Variants in MYCBP2 observed in about 807,000 individuals in gnomAD.
MYCBP2 encodes the protein MYC binding protein 2, also known as E3 ubiquitin-protein ligase MYCBP2.
A neutral mutation model predicts 525.3 loss-of-function variants in MYCBP2; 120 were observed. The observed-to-expected ratio is 0.23, with a 90% confidence interval of 0.20 to 0.27. The LOEUF (loss-of-function observed/expected upper bound fraction) is 0.27, where lower values mean the gene tolerates loss of function less well. Ranked by LOEUF, MYCBP2 falls within the 10% of genes least tolerant of loss-of-function variation. MYCBP2 has a pLI of 1.00. For synonymous variants in MYCBP2, 1,894 were observed against 1,955.8 expected (o/e 0.97, Z 0.83); for missense variants, 4,149 against 5,657.1 (o/e 0.73, Z 8.55).
At position 77,205,339 on chromosome 13, in the gene MYCBP2, T is replaced by C. The variant is rs573877665; in HGVS notation, c.3760A>G (p.Ile1254Val). 2.6e-4 allele frequency: 421 copies of C among 1,613,878 alleles called. 6 individuals are homozygous for C. In the South Asian group the frequency reaches 4.3e-3, roughly 17 times the overall value. Residue 1254 changes from isoleucine (I) to valine (V), a missense_variant, in exon 26 of 83, where the codon ATA (isoleucine) becomes GTA (valine). Coordinates refer to ENST00000544440, the MANE Select transcript of MYCBP2 (RefSeq NM_015057.5). ...ATATCAGTGTCGGCACTGAAACGTA[T>C]AGCTTCTACTGAATGGGCAGAATAA... The part of the protein sequence containing the change: ...WGYSAHSVEA[I>V]RFSADTDILL...
intron 7 of MYCBP2, among the ~76,000 whole-genome samples, chr13:77,268,437 A>T (rs561290012): frequency 1.6e-3 from 238 of 152,340 alleles, no homozygotes; most frequent in African/African-American, 5.4e-3. Flanking sequence ...ATTTTAAACT[A>T]AGTTCAATTT....
chr13:77,238,242 C>CAAAAAAAAAAAAA (rs772175406), intron 17 of MYCBP2, among the ~76,000 whole-genome samples: 1 of 28,310 alleles, frequency 3.5e-5, no homozygotes, highest in Non-Finnish European at 8.7e-5. Flanking sequence ...GACTCCGTCT[C>CAAAAAAAAAAAAA]AAAAAAAAAA....
intron 53 of MYCBP2, 74 bp downstream of exon 53, chr13:77,126,244 T>C (rs939428906): frequency 5.3e-6 from 7 of 1,326,256 alleles, no homozygotes; most frequent in Middle Eastern, 2.2e-4. Flanking sequence ...ATGGCAACCT[T>C]TAGAAGAGAT....
intron 14 of MYCBP2, among the ~76,000 whole-genome samples, chr13:77,252,052 C>T (rs2071301240): frequency 6.6e-6 from 1 of 152,172 alleles, no homozygotes; most frequent in Admixed American, 6.6e-5. Context: ...GCACTTGCTA[C>T]CTTTTCCAGG....
At chr13:77,070,187 A>G (rs1182277769) in intron 69 of MYCBP2, among the ~76,000 whole-genome samples, 1 of 152,190 alleles carries the variant, frequency 6.6e-6, no homozygotes, top group Non-Finnish European at 1.5e-5. Context: ...AAATCTTTAA[A>G]ATGATGAAGG....
chr13:77,066,143 A>C, intron 71 of MYCBP2, 55 bp from the exon 72 acceptor site: 1 of 1,142,910 alleles, frequency 8.7e-7, no homozygotes, highest in Non-Finnish European at 1.3e-6. Flanking sequence ...GTAGTAACAA[A>C]TGAAAAAGAT....
chr13:77,071,310 A>ACACACACACAC (rs1417944112), intron 68 of MYCBP2, among the ~76,000 whole-genome samples: 3 of 85,792 alleles, frequency 3.5e-5, no homozygotes, highest in African/African-American at 1.0e-4. Context: ...CACACACACA[A>ACACACACACAC]ATCTTATCTA....
chr13:77,051,640 C>T (rs1375388307), intron 81 of MYCBP2, among the ~76,000 whole-genome samples, 171 bp downstream of exon 81: 2 of 151,800 alleles, frequency 1.3e-5, no homozygotes, highest in African/African-American at 4.8e-5. Flanking sequence ...AAAAATATCG[C>T]CCAAAGGAAA....
At chr13:77,184,149 C>T (rs940854878) in intron 32 of MYCBP2, among the ~76,000 whole-genome samples, 4 of 152,110 alleles carry the variant, frequency 2.6e-5, no homozygotes, top group African/African-American at 9.7e-5. Flanking sequence ...CTCTTTTAAG[C>T]AATGCTTTAG....
In MYCBP2 at chr13:77,090,250, G is replaced by T; in HGVS notation, c.10381C>A (p.Pro3461Thr). Residue 3461 changes from proline to threonine, a missense_variant, in exon 60 of 83, where the codon CCC becomes ACC. This residue lies in a region of MYCBP2 where 509 missense variants were observed against 789.4 expected (regional missense o/e 0.64). Transcript: ENST00000544440. ...KSMPPSLETS[P>T]ITDTDLAKRT... is the part of the protein sequence containing the mutation. Reference sequence around the variant, plus strand: ...TTTGCAAGATCAGTATCAGTTATGGGACTGGTTTCTAAACTGTACATGGAA... The same window carrying T: ...TTTGCAAGATCAGTATCAGTTATGGTACTGGTTTCTAAACTGTACATGGAA... The T allele has an allele frequency of 6.2e-7, 1 of 1,611,026 alleles. No homozygotes were observed. Among genetic ancestry groups the T allele is most frequent in the Non-Finnish European group, 8.5e-7 (1 of 1,178,414 alleles).
intron 78 of MYCBP2, among the ~76,000 whole-genome samples, chr13:77,057,737 C>G (rs996882870): frequency 2.0e-5 from 3 of 150,598 alleles, no homozygotes; most frequent in Non-Finnish European, 2.9e-5. Flanking sequence ...GAAAGCACAG[C>G]ATAAAGAGGC....
At position 77,119,476 on chromosome 13, in the gene MYCBP2, A is replaced by C. The variant is rs542438844; in HGVS notation, c.8140+1897T>G. On this transcript the variant is annotated intron_variant, in intron 55 of 82. Coordinates refer to ENST00000544440, the MANE Select transcript of MYCBP2 (RefSeq NM_015057.5). ...CCATATATCTTTTTTTGAAATAATA[A>C]ATAAATGCTGTAGATTATAGGAAAA... Among the ~76,000 whole-genome samples the C allele has an allele frequency of 2.0e-5, 3 of 152,312 alleles. No individual in the cohort carries two copies. In the South Asian group the frequency reaches 6.2e-4, roughly 32 times the overall value.
In MYCBP2 at chr13:77,068,637, C is replaced by T. The variant is rs2040597774; in HGVS notation, c.12099G>A (p.Leu4033=). ...LSGSNVGRQY[L]AQQLTLLQDL... is the part of the protein sequence containing the mutation. ...CCTGAAGCAGGGTTAGCTGTTGAGC[C>T]AGATATTGCCGGCCAACGTTAGAGC... The change falls in exon 70 of 83, where the codon CTG becomes CTA. Residue 4033 remains leucine (L), a synonymous_variant. Coordinates refer to ENST00000544440, the MANE Select transcript of MYCBP2 (RefSeq NM_015057.5). 1.2e-6 allele frequency: 2 copies of T among 1,614,044 alleles called. No individual in the cohort carries two copies.
intron 36 of MYCBP2, among the ~76,000 whole-genome samples, chr13:77,175,955 T>TA (rs1411966240): frequency 1.6e-4 from 23 of 140,336 alleles, no homozygotes; most frequent in South Asian, 4.5e-4. Flanking sequence ...AGACTCCATC[T>TA]AAAAAAAAAT....
At chr13:77,295,706 T>C (rs2078116644) in intron 2 of MYCBP2, among the ~76,000 whole-genome samples, 2 of 152,198 alleles carry the variant, frequency 1.3e-5, no homozygotes, top group African/African-American at 2.4e-5. Flanking sequence ...AGATGTTCAA[T>C]AGAAAAGAGA....
intron 1 of MYCBP2, among the ~76,000 whole-genome samples, chr13:77,307,831 C>G (rs1049941475): frequency 1.3e-5 from 2 of 151,910 alleles, no homozygotes; most frequent in African/African-American, 4.8e-5. Flanking sequence ...ACATCCCTGC[C>G]CCCTGTCCCG....
At chr13:77,179,719 G>A (rs2060037010) in intron 34 of MYCBP2, among the ~76,000 whole-genome samples, 1 of 152,152 alleles carries the variant, frequency 6.6e-6, no homozygotes, top group South Asian at 2.1e-4. Flanking sequence ...TCTAGGGTCG[G>A]TTGAGTGGGC....
chr13:77,142,150 G>T (rs2054766390), intron 49 of MYCBP2, among the ~76,000 whole-genome samples: 1 of 152,138 alleles, frequency 6.6e-6, no homozygotes, highest in Non-Finnish European at 1.5e-5. Flanking sequence ...TTTTCACAAT[G>T]TCATTCTTGG....
chr13:77,075,583 A>C (rs1031148865), intron 68 of MYCBP2: 1 of 152,170 alleles, frequency 6.6e-6, no homozygotes, highest in Admixed American at 6.6e-5. Flanking sequence ...AATGATCTCA[A>C]GGTACTCTGA....
Sources: gnomAD v4.1 joint callset for allele counts (sites outside exome capture counted in the v4.1 genomes callset) on GRCh38, gnomAD v4.1.1 for gene constraint, gnomAD v4.1.1 regional missense constraint, MANE v1.5 for transcripts, NCBI Gene and HGNC (gene_info 2026-07-23, HGNC 2026-07-21) for gene names.